The following ZFAT variants were observed in gnomAD, a reference collection of about 807,000 sequenced individuals.
ZFAT encodes zinc finger protein ZFAT.
In ZFAT, 64 loss-of-function variants were observed where a neutral mutation model predicts 117.7. That is an observed-to-expected ratio of 0.54 (90% confidence interval 0.44 to 0.67). ZFAT has a LOEUF of 0.67. Ranked by LOEUF, ZFAT falls within the 30% of genes least tolerant of loss-of-function variation. The pLI is 0.00. For missense variants in ZFAT, 1,433 were observed against 1,584.5 expected, an observed-to-expected ratio of 0.90 and a Z score of 1.62; for synonymous variants, 679 against 615.0, an observed-to-expected ratio of 1.10 and a Z score of -1.54.
the ZFAT span, among the ~76,000 whole-genome samples, chr8:134,750,819 T>G: frequency 2.0e-5 from 3 of 152,232 alleles, no homozygotes; most frequent in African/African-American, 7.2e-5. Context: ...TCAAGCTAAT[T>G]AACATATGCA....
chr8:134,541,751 G>A (rs1423414093), intron 11 of ZFAT, among the ~76,000 whole-genome samples: 1 of 152,148 alleles, frequency 6.6e-6, no homozygotes, highest in Non-Finnish European at 1.5e-5. Flanking sequence ...AAGAAAAATA[G>A]GCAAAATATG....
At chr8:134,752,453 G>A in the ZFAT span, among the ~76,000 whole-genome samples, 1 of 152,250 alleles carries the variant, frequency 6.6e-6, no homozygotes, top group South Asian at 2.1e-4. Context: ...ATAAAATGGG[G>A]ATATTTACAA....
At chr8:134,736,977 T>A in the ZFAT span, among the ~76,000 whole-genome samples, 1 of 152,214 alleles carries the variant, frequency 6.6e-6, no homozygotes, top group South Asian at 2.1e-4. Context: ...AACTTTTGTT[T>A]AAAATGTAAA....
the ZFAT span, chr8:134,797,305 A>G: frequency 6.6e-6 from 1 of 152,158 alleles, no homozygotes; most frequent in Non-Finnish European, 1.5e-5. Flanking sequence ...AATGACTGGG[A>G]TATCGAAATA....
rs751418023 is a variant in ZFAT, at chr8:134,637,730, G to A, written c.197-18C>T. On this transcript the variant is annotated intron_variant, in intron 2 of 15. Coordinates refer to ENST00000377838, the MANE Select transcript of ZFAT (RefSeq NM_020863.4). The stretch of plus-strand genomic sequence containing the variant: ...CAAAAACTCTACAGAGGAAACAAGA[G>A]GGCACAATGGAATCACGTGAGACGG... 1.5e-5 allele frequency: 24 copies of A among 1,606,950 alleles called. No homozygotes were observed. In the African/African-American group the frequency reaches 3.1e-4, roughly 21 times the overall value.
At chr8:134,771,757 T>C in the ZFAT span, among the ~76,000 whole-genome samples, 1 of 152,222 alleles carries the variant, frequency 6.6e-6, no homozygotes, top group Non-Finnish European at 1.5e-5. Flanking sequence ...ATTTACTGTA[T>C]TAAGTTTGTT....
At chr8:134,538,437 G>A (rs529871353) in intron 11 of ZFAT, among the ~76,000 whole-genome samples, 104 of 152,254 alleles carry the variant, frequency 6.8e-4, no homozygotes, top group Non-Finnish European at 1.2e-3. Flanking sequence ...GAAAAGACGA[G>A]GAGCACAAGC....
At chr8:134,735,284 G>T in the ZFAT span, among the ~76,000 whole-genome samples, 1 of 152,160 alleles carries the variant, frequency 6.6e-6, no homozygotes. Context: ...TGAAAGGGTT[G>T]TGTGACCCTT....
At chr8:134,716,287 T>C (rs914569126), upstream of ZFAT, among the ~76,000 whole-genome samples, 4 of 152,046 alleles carry the variant, frequency 2.6e-5, no homozygotes, top group African/African-American at 9.7e-5. Context: ...AAAATCTAAA[T>C]AGGCACATTG....
chr8:134,575,240 G>T (rs140651383), intron 10 of ZFAT, among the ~76,000 whole-genome samples: 4 of 152,314 alleles, frequency 2.6e-5, no homozygotes, highest in Non-Finnish European at 5.9e-5. Flanking sequence ...AAAATAAAAA[G>T]GAGTTTGCAG....
At position 134,618,436 on chromosome 8, in the gene ZFAT, T is replaced by G. The variant is rs533005879; in HGVS notation, c.449-7781A>C. On this transcript the variant is annotated intron_variant, in intron 3 of 15. Transcript: ENST00000377838. Reference sequence around the variant, plus strand: ...TCACACCCCTGGTTTCCAGTCTCTGTGCATTTTTATTTGAAAAAGAGTGGC... The same window carrying G: ...TCACACCCCTGGTTTCCAGTCTCTGGGCATTTTTATTTGAAAAAGAGTGGC... Among the ~76,000 whole-genome samples the G allele has an allele frequency of 6.4e-4, 97 of 152,236 alleles. 1 individual carries two copies. In the South Asian group the frequency reaches 0.02, roughly 31 times the overall value.
intron 1 of ZFAT, among the ~76,000 whole-genome samples, chr8:134,670,190 C>A (rs577446490): frequency 9.9e-5 from 15 of 152,242 alleles, no homozygotes; most frequent in Admixed American, 2.6e-4. Flanking sequence ...TTAGACAGAT[C>A]AACGAGACAG....
At chr8:134,707,869 C>T (rs1409617427) in intron 1 of ZFAT, among the ~76,000 whole-genome samples, 1 of 152,138 alleles carries the variant, frequency 6.6e-6, no homozygotes, top group African/African-American at 2.4e-5. Flanking sequence ...GATTTGAAAC[C>T]AGTATATTGA....
chr8:134,478,087 G>T lies in ZFAT; in HGVS notation c.*395C>A. 4.2e-6 allele frequency: 1 copy of T among 240,236 alleles called. No homozygotes were observed. Among genetic ancestry groups the T allele is most frequent in the Non-Finnish European group, 8.3e-6 (1 of 120,904 alleles). The allele number at this position is 240,236 out of a possible 1,614,324, so 14.9% of individuals were successfully genotyped here. On this transcript the variant is annotated 3_prime_UTR_variant, in exon 16 of 16. Coordinates refer to ENST00000377838, the MANE Select transcript of ZFAT (RefSeq NM_020863.4). This position sits in a 1 kb window ranked among gnomAD's most constrained non-coding sequence, Gnocchi z 5.2. ...CTCACCAGACTGCATAGCGGTTGCA[G>T]ATGAACATTTGGCACCTAGATGGGG...
In ZFAT at chr8:134,590,256, G is replaced by T; in HGVS notation, c.2563+12C>A. On this transcript the variant is annotated intron_variant, in intron 8 of 15. Transcript: ENST00000377838. ...TAACATTAATCTTCCACTCCAAAAT[G>T]CACAACCTTACCAGGATGGTTGGTC... 1 of 1,602,142 alleles carries T rather than the reference G, an allele frequency of 6.2e-7. No individual in the cohort carries two copies. Among genetic ancestry groups the T allele is most frequent in the Admixed American group, 1.7e-5 (1 of 58,810 alleles).
intron 15 of ZFAT, among the ~76,000 whole-genome samples, chr8:134,497,377 A>C (rs1483707354): frequency 2.0e-5 from 3 of 152,178 alleles, no homozygotes; most frequent in Non-Finnish European, 4.4e-5. Context: ...GGCTTCTAAA[A>C]TTCTAATGTG....
At chr8:134,714,645 T>G (rs999597625), upstream of ZFAT, among the ~76,000 whole-genome samples, 12 of 152,208 alleles carry the variant, frequency 7.9e-5, no homozygotes, top group Non-Finnish European at 1.8e-4. Context: ...CTCCCCCTTC[T>G]TCATTTCATC....
At chr8:134,772,695 A>C in the ZFAT span, among the ~76,000 whole-genome samples, 1 of 152,216 alleles carries the variant, frequency 6.6e-6, no homozygotes, top group African/African-American at 2.4e-5. Flanking sequence ...ATTAAACAAC[A>C]AAACAGCCTT....
At chr8:134,587,270 G>T (rs1451926464) in intron 9 of ZFAT, among the ~76,000 whole-genome samples, 1 of 152,152 alleles carries the variant, frequency 6.6e-6, no homozygotes, top group Non-Finnish European at 1.5e-5. Flanking sequence ...GCCCTCTGGA[G>T]ATAGAGTGTT....
Sources: gnomAD v4.1 joint callset for allele counts (sites outside exome capture counted in the v4.1 genomes callset) on GRCh38, gnomAD v4.1.1 for gene constraint, Gnocchi (gnomAD v3.1) non-coding constraint, MANE v1.5 for transcripts, NCBI Gene and HGNC (gene_info 2026-07-23, HGNC 2026-07-21) for gene names.